The following P3H2 variants were observed in gnomAD, a reference collection of about 807,000 sequenced individuals.
P3H2 encodes prolyl 3-hydroxylase 2, also known as leprecan-like 1.
In P3H2, 80 loss-of-function variants were observed where a neutral mutation model predicts 87.0. That is an observed-to-expected ratio of 0.92 (90% CI 0.77 to 1.11). The LOEUF (loss-of-function observed/expected upper bound fraction) is 1.11, where lower values mean the gene tolerates loss of function less well. Among genes scored for constraint, P3H2 ranks in the 50% least tolerant of loss-of-function variants. The pLI, the probability that P3H2 is intolerant of heterozygous loss-of-function variation, is 0.00. For missense variants in P3H2, 1,001 were observed against 923.9 expected, an observed-to-expected ratio of 1.08 and a Z score of -1.08; for synonymous variants, 367 against 359.3, an observed-to-expected ratio of 1.02 and a Z score of -0.24.
intron 1 of P3H2, among the ~76,000 whole-genome samples, chr3:190,073,741 T>G (rs779595240): frequency 6.6e-6 from 1 of 152,196 alleles, no homozygotes; most frequent in Non-Finnish European, 1.5e-5. Context: ...AATAAATGTA[T>G]GCTTTTAAAA....
intron 1 of P3H2, among the ~76,000 whole-genome samples, chr3:190,008,465 G>GGCTTA (rs1724464522): frequency 6.6e-6 from 1 of 152,150 alleles, no homozygotes; most frequent in South Asian, 2.1e-4. Flanking sequence ...AGACTGGCTT[G>GGCTTA]AATTGAACCA....
chr3:189,966,751 AT>A (rs1238086379), intron 13 of P3H2, among the ~76,000 whole-genome samples: 3 of 152,252 alleles, frequency 2.0e-5, no homozygotes, highest in Non-Finnish European at 4.4e-5. Context: ...ACATCCTTGA[AT>A]TCCCAAGTCT....
intron 1 of P3H2, among the ~76,000 whole-genome samples, chr3:190,039,832 G>A (rs1299396409): frequency 2.0e-5 from 3 of 152,136 alleles, no homozygotes; most frequent in East Asian, 1.9e-4. Context: ...ATTGATTCTT[G>A]TTTCCCCAGT....
chr3:190,088,708 A>G (rs1405313271), intron 1 of P3H2, among the ~76,000 whole-genome samples: 1 of 152,242 alleles, frequency 6.6e-6, no homozygotes, highest in Non-Finnish European at 1.5e-5. Context: ...AAAGATTGAA[A>G]AGAATGACCC....
At chr3:190,049,111 A>T (rs1340952168) in intron 1 of P3H2, among the ~76,000 whole-genome samples, 2 of 152,212 alleles carry the variant, frequency 1.3e-5, no homozygotes, top group Non-Finnish European at 2.9e-5. Context: ...ACAGGGAAAG[A>T]AAAATAGAAA....
In P3H2 at chr3:189,984,609, A is replaced by C. The variant is rs1427058477; in HGVS notation, c.1189-19T>G. On this transcript the variant is annotated intron_variant, in intron 6 of 14. Transcript: ENST00000319332. Reference sequence around the variant, plus strand: ...AATAATTCTGTTTTGAATCGAGTAAAAAAAAAAATGCAGTAATTTTGTCAC... The same window carrying C: ...AATAATTCTGTTTTGAATCGAGTAACAAAAAAAATGCAGTAATTTTGTCAC... 3 of 1,575,518 alleles carry C rather than the reference A, an allele frequency of 1.9e-6. No homozygotes were observed. In the Admixed American group the frequency reaches 5.1e-5, roughly 27 times the overall value.
intron 1 of P3H2, among the ~76,000 whole-genome samples, chr3:190,036,912 G>A (rs939837122): frequency 6.7e-6 from 1 of 150,056 alleles, no homozygotes; most frequent in Non-Finnish European, 1.5e-5. Flanking sequence ...ATCATTCTTT[G>A]AGAAACTATG....
At chr3:189,989,931 A>C (rs1577257808) in intron 3 of P3H2, among the ~76,000 whole-genome samples, 1 of 152,182 alleles carries the variant, frequency 6.6e-6, no homozygotes, top group South Asian at 2.1e-4. Context: ...ACCTTGACTG[A>C]TTTTTACAAT....
In P3H2 at chr3:190,120,627, C is replaced by G; in HGVS notation, c.105G>C (p.Glu35Asp). The G allele has an allele frequency of 1.3e-6, 2 of 1,532,346 alleles. No individual in the cohort carries two copies. Among genetic ancestry groups the G allele is most frequent in the South Asian group, 2.4e-5 (2 of 83,024 alleles). The allele number at this position is 1,532,346 out of a possible 1,614,324, so 94.9% of individuals were successfully genotyped here. Residue 35 changes from glutamate (E) to aspartate (D), a missense_variant, in exon 1 of 15, where the codon GAG becomes GAC. Physicochemically the swap from Glu to Asp is conservative, Grantham distance 45. Transcript: ENST00000319332. ...AGGGCTGCAGAGGCCCGGGCTCCAGCTCCAGCTCCCGGCGTGGGCTGTCCG... is the reference window on the plus strand; with the variant it reads ...AGGGCTGCAGAGGCCCGGGCTCCAGGTCCAGCTCCCGGCGTGGGCTGTCCG... ...GPPDSPRREL[E>D]LEPGPLQPFD...
At position 190,120,615 on chromosome 3, in the gene P3H2, C is replaced by G. The variant is rs1235007101; in HGVS notation, c.117G>C (p.Gly39=). 1.9e-6 allele frequency: 3 copies of G among 1,540,516 alleles called. No individual in the cohort carries two copies. Among genetic ancestry groups the G allele is most frequent in the Non-Finnish European group, 2.6e-6 (3 of 1,152,682 alleles). Residue 39 remains glycine (G), a synonymous_variant, in exon 1 of 15, where the codon GGG becomes GGC. Coordinates refer to ENST00000319332, the MANE Select transcript of P3H2 (RefSeq NM_018192.4). The part of the protein sequence containing the change: ...SPRRELELEP[G]PLQPFDLLYA... ...AGAGCAGGTCGAAGGGCTGCAGAGGCCCGGGCTCCAGCTCCAGCTCCCGGC... is the reference window on the plus strand; with the variant it reads ...AGAGCAGGTCGAAGGGCTGCAGAGGGCCGGGCTCCAGCTCCAGCTCCCGGC...
chr3:190,046,259 T>C (rs1725801275), intron 1 of P3H2, among the ~76,000 whole-genome samples: 1 of 152,220 alleles, frequency 6.6e-6, no homozygotes, highest in Non-Finnish European at 1.5e-5. Context: ...TCTGGTTCTA[T>C]TTTTTCTGGT....
At chr3:189,986,966 G>T (rs1723721052) in intron 5 of P3H2, 89 bp from the exon 6 acceptor site, 1 of 876,026 alleles carries the variant, frequency 1.1e-6, no homozygotes, top group Admixed American at 1.8e-5. Context: ...ATTTTCATTA[G>T]ATAGTCACAA....
intron 1 of P3H2, among the ~76,000 whole-genome samples, chr3:190,007,959 G>GACACACACACACACACACACACAC (rs371622835): frequency 4.0e-5 from 4 of 100,702 alleles, no homozygotes; most frequent in African/African-American, 1.5e-4. Context: ...TCTATTTGTT[G>GACACACACACACACACACACACAC]ACACACATAT....
In P3H2 at chr3:189,964,048, T is replaced by C. The variant is rs1031439337; in HGVS notation, c.1944A>G (p.Gly648=). 4 of 1,614,004 alleles carry C rather than the reference T, an allele frequency of 2.5e-6. No homozygotes were observed. In the African/African-American group the frequency reaches 5.3e-5, roughly 22 times the overall value. ...CGRMISFSSG[G]ENPHGVKAVT... is the part of the protein sequence containing the mutation. ...CTGCCTTCACCCCATGAGGGTTCTC[T>C]CCTCCAGATGAGAAGCTGATCATGC... Residue 648 remains glycine, a synonymous_variant, in exon 14 of 15, where the codon GGA becomes GGG. Transcript: ENST00000319332.
In P3H2 at chr3:190,105,601, C is replaced by A. The variant is rs543794745; in HGVS notation, c.480+14651G>T. ...GGATTCACTGCCCCAAGATGAGGAC[C>A]AGCATTAGATACACTGGAAGTAATT... On this transcript the variant is annotated intron_variant, in intron 1 of 14. Transcript: ENST00000319332. Among the ~76,000 whole-genome samples, 12 of 152,276 alleles carry A rather than the reference C, an allele frequency of 7.9e-5. No individual in the cohort carries two copies. In the South Asian group the frequency reaches 2.1e-3, roughly 26 times the overall value.
At chr3:190,046,498 G>A (rs1325435359) in intron 1 of P3H2, among the ~76,000 whole-genome samples, 2 of 152,176 alleles carry the variant, frequency 1.3e-5, no homozygotes, top group African/African-American at 4.8e-5. Flanking sequence ...ATGATGAAGA[G>A]AGGAGCAGAG....
chr3:189,963,246 C>G (rs977338627), intron 14 of P3H2, among the ~76,000 whole-genome samples: 1 of 152,146 alleles, frequency 6.6e-6, no homozygotes. Context: ...GTGTCCTCAG[C>G]TAGTTTGCAT....
intron 1 of P3H2, among the ~76,000 whole-genome samples, chr3:190,105,194 C>A (rs1043728972): frequency 6.6e-6 from 1 of 152,124 alleles, no homozygotes. Flanking sequence ...TTGTTTGACT[C>A]ACGTTTGAAC....
At chr3:190,032,856 G>A (rs1457918950) in intron 1 of P3H2, among the ~76,000 whole-genome samples, 2 of 152,110 alleles carry the variant, frequency 1.3e-5, no homozygotes, top group Admixed American at 1.3e-4. Flanking sequence ...AGGTAGGGTA[G>A]GGCGATGGTG....
Sources: gnomAD v4.1 joint callset for allele counts (sites outside exome capture counted in the v4.1 genomes callset) on GRCh38, gnomAD v4.1.1 for gene constraint, MANE v1.5 for transcripts, NCBI Gene and HGNC (gene_info 2026-07-23, HGNC 2026-07-21) for gene names.